The following SEMA3A variants were observed in gnomAD, a reference collection of about 807,000 sequenced individuals.
SEMA3A encodes the protein semaphorin 3A.
SEMA3A carries 29 observed loss-of-function variants against 97.9 expected under a neutral mutation model. The observed-to-expected ratio is 0.30, with a 90% CI of 0.22 to 0.40. The LOEUF (loss-of-function observed/expected upper bound fraction) is 0.40, where lower values mean the gene tolerates loss of function less well. Among genes scored for constraint, SEMA3A ranks in the 10% least tolerant of loss-of-function variants. SEMA3A has a pLI of 1.00. For missense variants in SEMA3A, 763 were observed against 951.3 expected (o/e 0.80, Z 2.60); for synonymous variants, 321 against 323.7 (o/e 0.99, Z 0.09).
chr7:84,313,047 G>GTA (rs1196049318), intron 2 of SEMA3A, among the ~76,000 whole-genome samples: 3 of 142,626 alleles, frequency 2.1e-5, no homozygotes, highest in South Asian at 2.2e-4. Context: ...ATATATAAGT[G>GTA]TATATATATG....
At chr7:84,104,062 C>A (rs1795036103) in intron 4 of SEMA3A, among the ~76,000 whole-genome samples, 1 of 151,974 alleles carries the variant, frequency 6.6e-6, no homozygotes, top group African/African-American at 2.4e-5. Flanking sequence ...TTGATCCAAA[C>A]TAGGTATTAG....
At chr7:84,139,211 G>A (rs1796228364) in intron 1 of SEMA3A, among the ~76,000 whole-genome samples, 1 of 151,962 alleles carries the variant, frequency 6.6e-6, no homozygotes, top group African/African-American at 2.4e-5. Flanking sequence ...AACAATTGTT[G>A]TTTTTAAAAA....
At chr7:84,403,842 T>C (rs1273584315) in intron 1 of SEMA3A, among the ~76,000 whole-genome samples, 1 of 152,076 alleles carries the variant, frequency 6.6e-6, no homozygotes, top group East Asian at 1.9e-4. Context: ...TCCTGACTGT[T>C]AGAAGGAAAA....
At chr7:84,146,796 A>G (rs891816945) in intron 1 of SEMA3A, among the ~76,000 whole-genome samples, 6 of 152,186 alleles carry the variant, frequency 3.9e-5, no homozygotes, top group Admixed American at 3.3e-4. Flanking sequence ...AGTAATCTAG[A>G]AATTAAAACT....
chr7:84,348,149 T>C (rs1271318631), intron 2 of SEMA3A, among the ~76,000 whole-genome samples: 1 of 152,152 alleles, frequency 6.6e-6, no homozygotes, highest in Non-Finnish European at 1.5e-5. Context: ...AAAATGCTGC[T>C]GAATATTAAA....
intron 2 of SEMA3A, among the ~76,000 whole-genome samples, chr7:84,367,100 G>C (rs1802866122): frequency 6.6e-6 from 1 of 151,310 alleles, no homozygotes; most frequent in Non-Finnish European, 1.5e-5. Flanking sequence ...TTCATAGACA[G>C]TTCAATTAAT....
In SEMA3A at chr7:83,997,930, G is replaced by T. The variant is rs193255153; in HGVS notation, c.1452+4025C>A. Among the ~76,000 whole-genome samples the T allele has an allele frequency of 1.6e-4, 25 of 151,938 alleles. No individual in the cohort carries two copies. In the East Asian group the frequency reaches 4.5e-3, roughly 27 times the overall value. On this transcript the variant is annotated intron_variant, in intron 12 of 16. Transcript: ENST00000265362. Reference sequence around the variant, plus strand: ...TTTTTGCATTTTTAGTAGAGACGGGGTTTCACCATCTTGGCCAGGCTGGTC... The same window carrying T: ...TTTTTGCATTTTTAGTAGAGACGGGTTTTCACCATCTTGGCCAGGCTGGTC...
chr7:83,974,247 T>C (rs1377140894), intron 15 of SEMA3A, among the ~76,000 whole-genome samples: 1 of 152,112 alleles, frequency 6.6e-6, no homozygotes, highest in South Asian at 2.1e-4. Context: ...AGCTGGATTT[T>C]TCTGTTTCAC....
intron 4 of SEMA3A, among the ~76,000 whole-genome samples, chr7:84,085,241 A>ATT (rs34047125): frequency 0.76 from 114,364 of 150,834 alleles, 43,522 homozygotes; most frequent in African/African-American, 0.81. Context: ...TTGGAATGAG[A>ATT]TTTTTTTTTC....
intron 1 of SEMA3A, among the ~76,000 whole-genome samples, chr7:84,382,637 T>A (rs989308657): frequency 7.2e-6 from 1 of 138,982 alleles, no homozygotes; most frequent in Non-Finnish European, 1.5e-5. Flanking sequence ...GGCGGGCAGA[T>A]CATGAGGTCA....
intron 3 of SEMA3A, among the ~76,000 whole-genome samples, chr7:84,123,376 T>C (rs891734087): frequency 6.6e-6 from 1 of 152,058 alleles, no homozygotes; most frequent in East Asian, 1.9e-4. Flanking sequence ...GCATTATATA[T>C]ATATTTTTCA....
chr7:84,392,327 C>T (rs551292244), intron 1 of SEMA3A, among the ~76,000 whole-genome samples: 1 of 152,044 alleles, frequency 6.6e-6, no homozygotes, highest in Non-Finnish European at 1.5e-5. Context: ...TGATATTTGT[C>T]TTCTTGTTTG....
At chr7:84,249,368 CATCTATCTATCTATCTATCTATCT>C (rs60537339) in intron 3 of SEMA3A, among the ~76,000 whole-genome samples, 6 of 143,140 alleles carry the variant, frequency 4.2e-5, no homozygotes, top group African/African-American at 1.6e-4. Context: ...CTCTGTCTAT[CATCTATCTATCTATCTATCTATCT>C]ATCTATCTAT....
intron 5 of SEMA3A, 59 bp from the exon 6 acceptor site, chr7:84,046,502 A>G (rs1255906899): frequency 3.1e-6 from 5 of 1,593,640 alleles, no homozygotes; most frequent in Non-Finnish European, 4.3e-6. Context: ...AAAACAAAAC[A>G]AAACAAAACA....
intron 3 of SEMA3A, among the ~76,000 whole-genome samples, chr7:84,263,053 A>AT (rs1258106812): frequency 6.6e-6 from 1 of 152,236 alleles, no homozygotes; most frequent in Non-Finnish European, 1.5e-5. Flanking sequence ...ATGTGACATA[A>AT]TTTTAAAAAT....
At position 84,041,976 on chromosome 7, in the gene SEMA3A, G is replaced by A. The variant is rs560211211; in HGVS notation, c.667+4348C>T. Among the ~76,000 whole-genome samples the A allele has an allele frequency of 4.6e-5, 7 of 152,222 alleles. No homozygotes were observed. The East Asian group carries it at 5.8e-4, about 13-fold the overall frequency. The stretch of plus-strand genomic sequence containing the variant: ...TTATGTCTCCAAAGATAGTAAGATC[G>A]AAATAGTGTATTAAAAGAGCTGTAC... On this transcript the variant is annotated intron_variant, in intron 6 of 16. Coordinates refer to ENST00000265362, the MANE Select transcript of SEMA3A (RefSeq NM_006080.3).
chr7:84,251,634 G>C (rs1799611735), intron 3 of SEMA3A, among the ~76,000 whole-genome samples: 1 of 152,176 alleles, frequency 6.6e-6, no homozygotes, highest in Non-Finnish European at 1.5e-5. Context: ...GACCGCCCTA[G>C]CACTCTTTAC....
intron 4 of SEMA3A, among the ~76,000 whole-genome samples, chr7:84,074,219 A>G (rs1793855693): frequency 1.3e-5 from 2 of 152,122 alleles, no homozygotes; most frequent in African/African-American, 2.4e-5. Flanking sequence ...CCTGGCCTGT[A>G]TGAAATTTCC....
At chr7:84,138,867 T>C (rs1322809524) in intron 1 of SEMA3A, among the ~76,000 whole-genome samples, 4 of 152,082 alleles carry the variant, frequency 2.6e-5, no homozygotes, top group Non-Finnish European at 5.9e-5. Context: ...TAAATAGAAA[T>C]TGGGTGAAAT....
Sources: allele counts gnomAD v4.1 joint callset (sites outside exome capture counted in the v4.1 genomes callset), GRCh38; gene constraint gnomAD v4.1.1; transcripts MANE v1.5; gene names NCBI Gene and HGNC (gene_info 2026-07-23, HGNC 2026-07-21).